The following COL8A1 variants were observed in gnomAD, a reference collection of about 807,000 sequenced individuals.
The protein encoded by COL8A1 is collagen type VIII alpha 1 chain.
In COL8A1, 21 loss-of-function variants were observed where a neutral mutation model predicts 42.7. The ratio of observed to expected loss-of-function variants is 0.49; its 90% CI spans 0.35 to 0.71. COL8A1 has a LOEUF of 0.71. Among genes scored for constraint, COL8A1 ranks in the 30% least tolerant of loss-of-function variants. The pLI is 0.01. For missense variants in COL8A1, 788 were observed against 962.4 expected (o/e 0.82, Z 2.40); for synonymous variants, 367 against 369.1 (o/e 0.99, Z 0.06).
chr3:99,726,995 AC>A (rs1405597825), intron 1 of COL8A1, among the ~76,000 whole-genome samples: 1 of 145,590 alleles, frequency 6.9e-6, no homozygotes, highest in Non-Finnish European at 1.5e-5. Flanking sequence ...TCTTTAAATT[AC>A]CTTGGGCAGT....
intron 1 of COL8A1, among the ~76,000 whole-genome samples, chr3:99,737,682 G>C (rs994186275): frequency 1.3e-5 from 2 of 152,004 alleles, no homozygotes; most frequent in African/African-American, 4.8e-5. Flanking sequence ...TTCAACTTTG[G>C]TGAATCTGAC....
intron 1 of COL8A1, among the ~76,000 whole-genome samples, chr3:99,727,752 G>T (rs1311751332): frequency 1.3e-5 from 2 of 151,790 alleles, no homozygotes; most frequent in Non-Finnish European, 2.9e-5. Flanking sequence ...ATAAAATACT[G>T]GCAAACCGAA....
intron 1 of COL8A1, among the ~76,000 whole-genome samples, chr3:99,641,258 C>A (rs1309156161): frequency 6.6e-6 from 1 of 152,138 alleles, no homozygotes; most frequent in East Asian, 1.9e-4. Flanking sequence ...CTTCTCCCAA[C>A]CCTCATTTAT....
chr3:99,729,633 T>A (rs1940442149), intron 1 of COL8A1, among the ~76,000 whole-genome samples: 1 of 152,072 alleles, frequency 6.6e-6, no homozygotes, highest in Non-Finnish European at 1.5e-5. Context: ...ATTGATCCTA[T>A]TTCTTTAGAA....
At chr3:99,654,065 C>T (rs894778103) in intron 1 of COL8A1, among the ~76,000 whole-genome samples, 3 of 152,118 alleles carry the variant, frequency 2.0e-5, no homozygotes, top group Non-Finnish European at 2.9e-5. Flanking sequence ...CCTGGCAAAC[C>T]ACTGGTGTAA....
chr3:99,664,600 C>G (rs1347994140), intron 1 of COL8A1, among the ~76,000 whole-genome samples: 1 of 152,232 alleles, frequency 6.6e-6, no homozygotes, highest in African/African-American at 2.4e-5. Flanking sequence ...CAGCTCAGTG[C>G]CCTGTTGCAG....
chr3:99,777,445 G>A (rs763176942), intron 2 of COL8A1, among the ~76,000 whole-genome samples: 1 of 152,152 alleles, frequency 6.6e-6, no homozygotes, highest in Non-Finnish European at 1.5e-5. Context: ...ACTGCACAAA[G>A]TTGAACTGGA....
intron 2 of COL8A1, among the ~76,000 whole-genome samples, chr3:99,788,854 A>G (rs1941945067): frequency 6.6e-6 from 1 of 152,200 alleles, no homozygotes; most frequent in African/African-American, 2.4e-5. Context: ...TGTTGCTTCA[A>G]ACATAAGGGA....
chr3:99,643,199 A>C (rs1265844400), intron 1 of COL8A1, among the ~76,000 whole-genome samples: 1 of 152,192 alleles, frequency 6.6e-6, no homozygotes, highest in Non-Finnish European at 1.5e-5. Flanking sequence ...TATAATGTGA[A>C]TCTAAGGTGT....
At chr3:99,672,098 G>A (rs1938563831) in intron 1 of COL8A1, among the ~76,000 whole-genome samples, 1 of 151,996 alleles carries the variant, frequency 6.6e-6, no homozygotes, top group Admixed American at 6.6e-5. Context: ...AAGCAATCTA[G>A]AACTGGTGAA....
chr3:99,638,930 T>C (rs147949338), intron 1 of COL8A1, among the ~76,000 whole-genome samples: 176 of 152,326 alleles, frequency 1.2e-3, no homozygotes, highest in African/African-American at 4.0e-3. Context: ...GACTGTTGCT[T>C]AGGTTAAAAT....
intron 1 of COL8A1, among the ~76,000 whole-genome samples, chr3:99,717,986 A>G (rs571482722): frequency 6.6e-6 from 1 of 152,132 alleles, no homozygotes; most frequent in South Asian, 2.1e-4. Context: ...TTGCAATCTC[A>G]CAAACGTCCA....
intron 1 of COL8A1, among the ~76,000 whole-genome samples, chr3:99,721,379 A>AAAG (rs1553676346): frequency 2.0e-5 from 3 of 149,748 alleles, no homozygotes; most frequent in African/African-American, 7.4e-5. Context: ...CAAAAAAAAA[A>AAAG]AAAAAGAAAG....
chr3:99,775,734 C>T (rs972350970), intron 2 of COL8A1, among the ~76,000 whole-genome samples: 1 of 152,184 alleles, frequency 6.6e-6, no homozygotes, highest in Non-Finnish European at 1.5e-5. Context: ...CCCAGACTGT[C>T]CCAGGCCCAA....
intron 1 of COL8A1, among the ~76,000 whole-genome samples, chr3:99,714,664 A>G (rs1939944503): frequency 6.6e-6 from 1 of 152,108 alleles, no homozygotes. Context: ...TTCTTCATTC[A>G]TTCAACAAAT....
At chr3:99,650,345 C>G (rs1937803366) in intron 1 of COL8A1, among the ~76,000 whole-genome samples, 1 of 152,236 alleles carries the variant, frequency 6.6e-6, no homozygotes, top group Non-Finnish European at 1.5e-5. Context: ...ATAGAACTTT[C>G]TGCAATGATG....
At chr3:99,772,354 G>C (rs1941595953) in intron 2 of COL8A1, among the ~76,000 whole-genome samples, 1 of 152,164 alleles carries the variant, frequency 6.6e-6, no homozygotes, top group African/African-American at 2.4e-5. Context: ...AAGGATTCTT[G>C]GAGCGGTGAA....
At chr3:99,756,676 TG>T (rs1200959783) in intron 2 of COL8A1, among the ~76,000 whole-genome samples, 8 of 152,244 alleles carry the variant, frequency 5.3e-5, no homozygotes, top group African/African-American at 1.9e-4. Context: ...GGTTCTTTTA[TG>T]GGAACCAGGG....
intron 1 of COL8A1, among the ~76,000 whole-genome samples, chr3:99,651,940 A>T (rs1306315814): frequency 6.6e-6 from 1 of 152,366 alleles, no homozygotes; most frequent in Non-Finnish European, 1.5e-5. Flanking sequence ...CATGAGCCAG[A>T]CAACATCAAG....
Sources: gnomAD v4.1 joint callset for allele counts (sites outside exome capture counted in the v4.1 genomes callset) on GRCh38, gnomAD v4.1.1 for gene constraint, MANE v1.5 for transcripts, NCBI Gene and HGNC (gene_info 2026-07-23, HGNC 2026-07-21) for gene names.